The following ROBO2 variants were observed in gnomAD, a reference collection of about 807,000 sequenced individuals.
ROBO2 encodes the protein roundabout guidance receptor 2, also known as roundabout homolog 2.
Under a neutral mutation model 160.8 loss-of-function variants are expected in ROBO2, and 53 were observed. The observed-to-expected ratio is 0.33, with a 90% CI of 0.26 to 0.41. ROBO2 has a LOEUF of 0.41. Ranked by LOEUF, ROBO2 falls within the 10% of genes least tolerant of loss-of-function variation. ROBO2 has a pLI of 1.00. For missense variants in ROBO2, 1,577 were observed against 1,722.4 expected (o/e 0.92, Z 1.49); for synonymous variants, 664 against 611.7 (o/e 1.09, Z -1.26).
At chr3:76,529,007 T>A (rs1353777255) in intron 2 of ROBO2, among the ~76,000 whole-genome samples, 1 of 152,092 alleles carries the variant, frequency 6.6e-6, no homozygotes, top group Non-Finnish European at 1.5e-5. Flanking sequence ...ACTGGTGACC[T>A]TGATAAGAGC....
chr3:77,113,459 CA>C (rs1352924942), intron 2 of ROBO2, among the ~76,000 whole-genome samples: 2 of 152,200 alleles, frequency 1.3e-5, no homozygotes, highest in African/African-American at 4.8e-5. Flanking sequence ...GTCTAATCTT[CA>C]AATGTGTATG....
At chr3:76,714,054 C>T (rs1279578114) in intron 2 of ROBO2, among the ~76,000 whole-genome samples, 6 of 151,664 alleles carry the variant, frequency 4.0e-5, no homozygotes, top group South Asian at 2.1e-4. Flanking sequence ...AGAAATAGGG[C>T]GGCCTGCTTA....
At chr3:76,069,177 C>A (rs1167662624) in intron 2 of ROBO2, among the ~76,000 whole-genome samples, 2 of 152,158 alleles carry the variant, frequency 1.3e-5, no homozygotes, top group South Asian at 4.1e-4. Context: ...GTTGATATTA[C>A]TTCTTGAAAT....
chr3:76,636,458 C>T (rs1229737616), intron 2 of ROBO2, among the ~76,000 whole-genome samples: 4 of 152,256 alleles, frequency 2.6e-5, no homozygotes, highest in East Asian at 1.9e-4. Context: ...GAGAAGCTCA[C>T]GGAACCATAG....
chr3:77,099,569 C>T (rs188592568), intron 2 of ROBO2, among the ~76,000 whole-genome samples: 8 of 152,226 alleles, frequency 5.3e-5, no homozygotes, highest in Admixed American at 3.3e-4. Context: ...TAAAATGATA[C>T]TTCAAAAAGC....
chr3:77,391,280 A>G (rs988041132), intron 2 of ROBO2, among the ~76,000 whole-genome samples: 2 of 152,106 alleles, frequency 1.3e-5, no homozygotes, highest in Admixed American at 6.6e-5. Context: ...ATTATAGTAT[A>G]ATTTATAAAC....
chr3:76,644,662 T>G (rs929735936), intron 2 of ROBO2, among the ~76,000 whole-genome samples: 1 of 152,100 alleles, frequency 6.6e-6, no homozygotes, highest in African/African-American at 2.4e-5. Context: ...CCATCTTCAC[T>G]CCCTCCCACC....
At chr3:75,918,600 A>G (rs755680387) in intron 1 of ROBO2, among the ~76,000 whole-genome samples, 2 of 152,156 alleles carry the variant, frequency 1.3e-5, no homozygotes, top group Admixed American at 1.3e-4. Context: ...TGGGAATAGC[A>G]TTGAACCTAT....
chr3:76,196,411 AAC>A (rs919295741), intron 2 of ROBO2, among the ~76,000 whole-genome samples: 1 of 152,136 alleles, frequency 6.6e-6, no homozygotes, highest in Non-Finnish European at 1.5e-5. Context: ...GGGAGAGAGA[AAC>A]ACATATATAT....
At chr3:76,811,775 C>CTTCCT (rs1173423323) in intron 2 of ROBO2, among the ~76,000 whole-genome samples, 4 of 96,946 alleles carry the variant, frequency 4.1e-5, no homozygotes, top group African/African-American at 1.7e-4. Context: ...CTCTCTTTCC[C>CTTCCT]TCCTTCCTTC....
At chr3:76,852,102 T>C (rs1422527736) in intron 2 of ROBO2, among the ~76,000 whole-genome samples, 12 of 152,164 alleles carry the variant, frequency 7.9e-5, no homozygotes, top group Admixed American at 7.2e-4. Flanking sequence ...AAAACCGTTA[T>C]TGATAATGAG....
At chr3:76,176,710 A>G (rs77933719) in intron 2 of ROBO2, among the ~76,000 whole-genome samples, 3,490 of 152,086 alleles carry the variant, frequency 0.023, 249 homozygotes, top group East Asian at 0.23. Flanking sequence ...TTTTTTCCTC[A>G]TTTTCTTACT....
chr3:77,428,376 T>G (rs2078429840), intron 2 of ROBO2, among the ~76,000 whole-genome samples: 2 of 122,912 alleles, frequency 1.6e-5, no homozygotes, highest in Admixed American at 1.0e-4. Context: ...TGAGACGGAG[T>G]CTCGCTCTGT....
intron 2 of ROBO2, among the ~76,000 whole-genome samples, chr3:76,851,792 A>T (rs542653406): frequency 1.3e-5 from 2 of 151,430 alleles, no homozygotes; most frequent in South Asian, 2.1e-4. Context: ...AATATAGTTA[A>T]TATTAAGTGA....
chr3:76,996,495 A>G (rs11710419), intron 2 of ROBO2, among the ~76,000 whole-genome samples: 9,107 of 152,160 alleles, frequency 0.06, 397 homozygotes, highest in African/African-American at 0.12. Flanking sequence ...GATGAAAGTC[A>G]TTGGTAGCTT....
chr3:76,446,705 G>T (rs1377649286), intron 2 of ROBO2, among the ~76,000 whole-genome samples: 1 of 152,058 alleles, frequency 6.6e-6, no homozygotes, highest in East Asian at 1.9e-4. Flanking sequence ...ATAGACCAAT[G>T]GAACAGAACA....
intron 5 of ROBO2, among the ~76,000 whole-genome samples, chr3:77,521,316 G>T (rs897155434): frequency 1.3e-5 from 2 of 151,186 alleles, no homozygotes; most frequent in African/African-American, 4.8e-5. Context: ...TTTTGCTACT[G>T]GATGTTAAAA....
At chr3:75,959,512 G>A (rs72888492) in intron 2 of ROBO2, among the ~76,000 whole-genome samples, 2,454 of 151,764 alleles carry the variant, frequency 0.016, 60 homozygotes, top group African/African-American at 0.056. Context: ...TCACAAATTA[G>A]CCCTTAGATT....
At chr3:75,932,680 A>G (rs944022559) in intron 1 of ROBO2, among the ~76,000 whole-genome samples, 2 of 152,194 alleles carry the variant, frequency 1.3e-5, no homozygotes, top group Non-Finnish European at 2.9e-5. Flanking sequence ...ATTTATCTGA[A>G]CTAATGGCAG....
Sources: gnomAD v4.1 joint callset for allele counts (sites outside exome capture counted in the v4.1 genomes callset) on GRCh38, gnomAD v4.1.1 for gene constraint, MANE v1.5 for transcripts, NCBI Gene and HGNC (gene_info 2026-07-23, HGNC 2026-07-21) for gene names.